LARGE1: variants seen among roughly 807,000 people sequenced by gnomAD.
LARGE1 encodes the protein LARGE xylosyl- and glucuronyltransferase 1.
In LARGE1, 43 loss-of-function variants were observed where a neutral mutation model predicts 87.6. The observed-to-expected ratio is 0.49, with a 90% confidence interval of 0.38 to 0.63. The LOEUF (loss-of-function observed/expected upper bound fraction) is 0.63, where lower values mean the gene tolerates loss of function less well. Among genes scored for constraint, LARGE1 ranks in the 30% least tolerant of loss-of-function variants. The pLI is 0.00. For synonymous variants in LARGE1, 434 were observed against 394.6 expected, an observed-to-expected ratio of 1.10 and a Z score of -1.18; for missense variants, 802 against 1,000.2, an observed-to-expected ratio of 0.80 and a Z score of 2.67.
intron 9 of LARGE1, among the ~76,000 whole-genome samples, chr22:33,345,846 T>A (rs750377557): frequency 5.9e-5 from 9 of 152,224 alleles, no homozygotes; most frequent in Non-Finnish European, 1.3e-4. Context: ...ATACTTCTGA[T>A]GCACTTAGAC....
At chr22:33,421,569 A>T (rs1169724843) in intron 7 of LARGE1, among the ~76,000 whole-genome samples, 1 of 152,240 alleles carries the variant, frequency 6.6e-6, no homozygotes, top group Non-Finnish European at 1.5e-5. Flanking sequence ...TGCCTCTTAA[A>T]AAACAAGGTA....
chr22:33,236,607 A>T (rs1350123786), intron 11 of LARGE1, among the ~76,000 whole-genome samples: 1 of 152,174 alleles, frequency 6.6e-6, no homozygotes, highest in Non-Finnish European at 1.5e-5. Context: ...AATTTCAAAC[A>T]CTTTCTCAGC....
chr22:33,631,485 T>G (rs2080109631), intron 3 of LARGE1, among the ~76,000 whole-genome samples: 1 of 152,196 alleles, frequency 6.6e-6, no homozygotes, highest in Non-Finnish European at 1.5e-5. Context: ...TGTTAAAAAC[T>G]AAGACATAAA....
Position 33,438,652 on chromosome 22 carries a change from C to T in LARGE1, c.788-6387G>A, listed in dbSNP as rs1601841075. On this transcript the variant is annotated intron_variant, in intron 6 of 14. Coordinates refer to ENST00000397394, the MANE Select transcript of LARGE1 (RefSeq NM_133642.5). ...GCTCCTGCTGCTCGGGAGGTGAGAA[C>T]CAAGGAGCAGAGAACTACAATTCTT... is the stretch of plus-strand genomic sequence containing the variant. 4.0e-5 allele frequency among the ~76,000 whole-genome samples: 6 copies of T among 151,712 alleles called. No individual in the cohort carries two copies. In the South Asian group the frequency reaches 6.2e-4, roughly 16 times the overall value.
intron 2 of LARGE1, among the ~76,000 whole-genome samples, chr22:33,664,667 C>G (rs903759057): frequency 9.2e-5 from 14 of 152,160 alleles, no homozygotes; most frequent in Admixed American, 7.2e-4. Context: ...GAGATCAAGA[C>G]CATCCTGGCC....
chr22:33,755,842 C>A (rs2084492799), intron 2 of LARGE1, among the ~76,000 whole-genome samples: 1 of 152,198 alleles, frequency 6.6e-6, no homozygotes, highest in South Asian at 2.1e-4. Context: ...TAAAACACTT[C>A]CTTCTCTCAA....
intron 6 of LARGE1, among the ~76,000 whole-genome samples, chr22:33,447,314 G>A (rs981251291): frequency 1.3e-5 from 2 of 152,208 alleles, no homozygotes; most frequent in African/African-American, 4.8e-5. Flanking sequence ...ATTCCATGAT[G>A]GATACACAAG....
At chr22:33,454,106 A>C (rs991136560) in intron 6 of LARGE1, among the ~76,000 whole-genome samples, 3 of 152,198 alleles carry the variant, frequency 2.0e-5, no homozygotes, top group African/African-American at 7.2e-5. Context: ...TTGTGTATGC[A>C]TCATTGCTTG....
chr22:33,689,217 G>A (rs1321167520), intron 2 of LARGE1, among the ~76,000 whole-genome samples: 1 of 151,862 alleles, frequency 6.6e-6, no homozygotes, highest in Non-Finnish European at 1.5e-5. Flanking sequence ...ATGTGTGTCA[G>A]GCTGGCTAAG....
At chr22:33,635,107 G>A (rs1386056018) in intron 3 of LARGE1, among the ~76,000 whole-genome samples, 2 of 149,614 alleles carry the variant, frequency 1.3e-5, no homozygotes, top group Non-Finnish European at 3.0e-5. Flanking sequence ...GACAGAGCAA[G>A]ACTCCATCTC....
At chr22:33,216,173 C>T (rs1406299205) in intron 11 of LARGE1, among the ~76,000 whole-genome samples, 2 of 152,194 alleles carry the variant, frequency 1.3e-5, no homozygotes, top group Non-Finnish European at 2.9e-5. Flanking sequence ...GGGTCTAGTT[C>T]TCTTTTTATT....
Position 33,288,661 on chromosome 22 carries a change from C to G in LARGE1, c.1731-5313G>C, listed in dbSNP as rs1017779850. Among the ~76,000 whole-genome samples the G allele has an allele frequency of 3.3e-5, 5 of 152,220 alleles. No homozygotes were observed. The East Asian group carries it at 9.6e-4, about 29-fold the overall frequency. On this transcript the variant is annotated intron_variant, in intron 12 of 14. Transcript: ENST00000397394. ...TAGCTGCAAGCAACAGAAATTAATA[C>G]CAGGTACCTTACCTAAAATAAAAAG...
At chr22:33,801,712 G>C (rs889322114) in intron 1 of LARGE1, among the ~76,000 whole-genome samples, 22 of 152,082 alleles carry the variant, frequency 1.4e-4, no homozygotes, top group African/African-American at 5.3e-4. Context: ...ATTAATTCCA[G>C]TTCATCCATT....
chr22:33,270,916 G>C (rs1374898889), downstream of LARGE1, among the ~76,000 whole-genome samples: 1 of 152,108 alleles, frequency 6.6e-6, no homozygotes, highest in Non-Finnish European at 1.5e-5. Context: ...GCTAAGTCAG[G>C]GTACAAGGGA....
the LARGE1 span, among the ~76,000 whole-genome samples, chr22:33,093,606 G>A: frequency 6.6e-6 from 1 of 152,112 alleles, no homozygotes; most frequent in African/African-American, 2.4e-5. Flanking sequence ...GTCCATCCAG[G>A]TGTGGTTACA....
intron 1 of LARGE1, among the ~76,000 whole-genome samples, chr22:33,860,004 T>G (rs2063866377): frequency 6.6e-6 from 1 of 152,152 alleles, no homozygotes; most frequent in African/African-American, 2.4e-5. Flanking sequence ...GGATGCACAA[T>G]TTCAGTTCTG....
intron 9 of LARGE1, among the ~76,000 whole-genome samples, chr22:33,343,282 C>A (rs1025474727): frequency 6.6e-6 from 1 of 152,074 alleles, no homozygotes; most frequent in Non-Finnish European, 1.5e-5. Context: ...CCATGTCCAG[C>A]TAATTTTGTT....
the LARGE1 span, among the ~76,000 whole-genome samples, chr22:33,098,602 C>T: frequency 6.6e-6 from 1 of 152,102 alleles, no homozygotes; most frequent in Non-Finnish European, 1.5e-5. Flanking sequence ...GCCTGGGCTA[C>T]AGAGCAAGAC....
At chr22:33,142,190 G>A in the LARGE1 span, among the ~76,000 whole-genome samples, 1 of 152,194 alleles carries the variant, frequency 6.6e-6, no homozygotes, top group Non-Finnish European at 1.5e-5. Context: ...TTTACTTTCT[G>A]TGTTTGCAGC....
Sources: gnomAD v4.1 joint callset for allele counts (sites outside exome capture counted in the v4.1 genomes callset) on GRCh38, gnomAD v4.1.1 for gene constraint, MANE v1.5 for transcripts, NCBI Gene and HGNC (gene_info 2026-07-23, HGNC 2026-07-21) for gene names.